The following ADAMTS12 variants were observed in gnomAD, a reference collection of about 807,000 sequenced individuals.
The protein encoded by ADAMTS12 is ADAM metallopeptidase with thrombospondin type 1 motif 12, also known as A disintegrin and metalloproteinase with thrombospondin motifs 12.
Under a neutral mutation model 167.8 loss-of-function variants are expected in ADAMTS12, and 118 were observed. The observed-to-expected ratio is 0.70, with a 90% CI of 0.61 to 0.82. ADAMTS12 has a LOEUF of 0.82. Among genes scored for constraint, ADAMTS12 ranks in the 40% least tolerant of loss-of-function variants. The pLI is 0.00. For synonymous variants in ADAMTS12, 704 were observed against 716.9 expected (o/e 0.98, Z 0.29); for missense variants, 1,916 against 1,998.8 (o/e 0.96, Z 0.79).
At chr5:33,644,634 G>C (rs998736994) in intron 9 of ADAMTS12, among the ~76,000 whole-genome samples, 1 of 151,808 alleles carries the variant, frequency 6.6e-6, no homozygotes, top group East Asian at 1.9e-4. Context: ...AAGTTCTTAA[G>C]GGCTTGTTAA....
At chr5:33,770,085 T>G (rs1290270174) in intron 2 of ADAMTS12, among the ~76,000 whole-genome samples, 1 of 152,138 alleles carries the variant, frequency 6.6e-6, no homozygotes, top group Non-Finnish European at 1.5e-5. Context: ...ATGGTCCCGC[T>G]AACAAAGTCT....
intron 12 of ADAMTS12, among the ~76,000 whole-genome samples, chr5:33,635,545 C>G (rs1740147932): frequency 6.6e-6 from 1 of 152,108 alleles, no homozygotes; most frequent in Non-Finnish European, 1.5e-5. Flanking sequence ...GAAGGGTTTT[C>G]TTGTGGAGAT....
At chr5:33,683,249 G>A in intron 4 of ADAMTS12, 148 bp from the exon 5 acceptor site, 2 of 556,494 alleles carry the variant, frequency 3.6e-6, no homozygotes, top group Non-Finnish European at 6.2e-6. Context: ...AGTGAAATAT[G>A]CCCACAGCTC....
intron 2 of ADAMTS12, among the ~76,000 whole-genome samples, chr5:33,822,878 AG>A (rs1747914021): frequency 6.6e-6 from 1 of 152,122 alleles, no homozygotes; most frequent in Non-Finnish European, 1.5e-5. Flanking sequence ...GCTTGAGGCC[AG>A]GAGTTCAAGA....
intron 2 of ADAMTS12, among the ~76,000 whole-genome samples, chr5:33,785,523 A>C (rs780076581): frequency 1.3e-5 from 2 of 152,088 alleles, no homozygotes; most frequent in Non-Finnish European, 2.9e-5. Flanking sequence ...GAAATGTGCA[A>C]AAGATTTGAA....
intron 11 of ADAMTS12, among the ~76,000 whole-genome samples, chr5:33,641,488 G>T (rs1319968598): frequency 2.0e-5 from 3 of 152,160 alleles, no homozygotes; most frequent in African/African-American, 4.8e-5. Context: ...TATTTAAAAA[G>T]ATTTAATTGT....
chr5:33,529,047 A>G (rs1018200847), intron 23 of ADAMTS12, among the ~76,000 whole-genome samples: 4 of 152,232 alleles, frequency 2.6e-5, no homozygotes, highest in Admixed American at 1.3e-4. Context: ...CTTCATCTCA[A>G]AAAAAGAAGA....
intron 5 of ADAMTS12, among the ~76,000 whole-genome samples, chr5:33,662,568 G>T (rs918847482): frequency 2.0e-5 from 3 of 152,186 alleles, no homozygotes; most frequent in East Asian, 1.9e-4. Context: ...TCTCCAGGCT[G>T]CTGACCAGTT....
Position 33,605,595 on chromosome 5 carries a change from C to T in ADAMTS12, c.2527+8643G>A, listed in dbSNP as rs571730264. 6.6e-5 allele frequency among the ~76,000 whole-genome samples: 10 copies of T among 152,152 alleles called. No individual in the cohort carries two copies. In the East Asian group the frequency reaches 1.7e-3, roughly 26 times the overall value. ...TGATGTTGAATAAAGTTCTGAGGAACTCAGAGTTCAGTTTGAAAGGAAAAA... is the reference window on the plus strand; with the variant it reads ...TGATGTTGAATAAAGTTCTGAGGAATTCAGAGTTCAGTTTGAAAGGAAAAA... On this transcript the variant is annotated intron_variant, in intron 16 of 23. Transcript: ENST00000504830.
At chr5:33,640,131 G>A (rs1182800515) in intron 11 of ADAMTS12, among the ~76,000 whole-genome samples, 1 of 152,188 alleles carries the variant, frequency 6.6e-6, no homozygotes, top group East Asian at 1.9e-4. Flanking sequence ...GCAGTCCCAA[G>A]ATCAGCTGGC....
chr5:33,602,404 A>C (rs1364556963), intron 16 of ADAMTS12, among the ~76,000 whole-genome samples: 1 of 152,208 alleles, frequency 6.6e-6, no homozygotes, highest in East Asian at 1.9e-4. Flanking sequence ...TCCTCATTCT[A>C]GAGTATCCAT....
intron 19 of ADAMTS12, 31 bp downstream of exon 19, chr5:33,576,023 A>G (rs371276803): frequency 6.4e-7 from 1 of 1,569,308 alleles, no homozygotes; most frequent in East Asian, 2.2e-5. Flanking sequence ...TTTTCCATGT[A>G]AAACCAGGCC....
intron 19 of ADAMTS12, among the ~76,000 whole-genome samples, chr5:33,575,345 C>T (rs1372072545): frequency 2.0e-5 from 3 of 152,104 alleles, no homozygotes; most frequent in Non-Finnish European, 4.4e-5. Context: ...CCTTTTCAGT[C>T]ATCCTTCATC....
At chr5:33,729,643 G>A (rs770925870) in intron 3 of ADAMTS12, among the ~76,000 whole-genome samples, 3 of 152,198 alleles carry the variant, frequency 2.0e-5, no homozygotes, top group Non-Finnish European at 4.4e-5. Context: ...GCTGACTTCA[G>A]AGGGTAGATG....
At chr5:33,583,430 T>A (rs1245006624) in intron 18 of ADAMTS12, among the ~76,000 whole-genome samples, 2 of 148,074 alleles carry the variant, frequency 1.4e-5, no homozygotes, top group African/African-American at 5.3e-5. Flanking sequence ...TCTTAGCTAT[T>A]GCAAACAGCG....
chr5:33,639,198 T>A (rs1579785825), intron 11 of ADAMTS12, among the ~76,000 whole-genome samples: 2 of 152,174 alleles, frequency 1.3e-5, no homozygotes, highest in Admixed American at 6.5e-5. Flanking sequence ...GAGAGATCAA[T>A]AACTGAGAGC....
intron 18 of ADAMTS12, among the ~76,000 whole-genome samples, chr5:33,582,333 G>C (rs1747108631): frequency 6.6e-6 from 1 of 152,138 alleles, no homozygotes; most frequent in South Asian, 2.1e-4. Flanking sequence ...ACCAAAAGAG[G>C]GAGTGACAAG....
At chr5:33,632,748 T>A (rs1397858350) in intron 12 of ADAMTS12, among the ~76,000 whole-genome samples, 1 of 152,184 alleles carries the variant, frequency 6.6e-6, no homozygotes, top group African/African-American at 2.4e-5. Flanking sequence ...TATTAAGACT[T>A]TGGTTTAAAC....
chr5:33,850,867 C>A (rs542319046), intron 2 of ADAMTS12, among the ~76,000 whole-genome samples: 1 of 152,174 alleles, frequency 6.6e-6, no homozygotes, highest in East Asian at 1.9e-4. Context: ...TAATTTTGCA[C>A]GTATCACCCC....
Sources: gnomAD v4.1 joint callset for allele counts (sites outside exome capture counted in the v4.1 genomes callset) on GRCh38, gnomAD v4.1.1 for gene constraint, MANE v1.5 for transcripts, NCBI Gene and HGNC (gene_info 2026-07-23, HGNC 2026-07-21) for gene names.